Variants in ANO4 observed in about 807,000 individuals in gnomAD.
The protein encoded by ANO4 is anoctamin 4, also known as anoctamin-4.
A neutral mutation model predicts 141.9 loss-of-function variants in ANO4; 69 were observed. The observed-to-expected ratio is 0.49, with a 90% CI of 0.40 to 0.59. The LOEUF (loss-of-function observed/expected upper bound fraction) is 0.59. Among genes scored for constraint, ANO4 ranks in the 20% least tolerant of loss-of-function variants. ANO4 has a pLI of 0.00. For missense variants in ANO4, 894 were observed against 1,162.2 expected, an observed-to-expected ratio of 0.77 and a Z score of 3.36; for synonymous variants, 350 against 394.3, an observed-to-expected ratio of 0.89 and a Z score of 1.33.
chr12:100,803,943 CT>C (rs1019965371), intron 1 of ANO4, among the ~76,000 whole-genome samples: 268 of 147,072 alleles, frequency 1.8e-3, no homozygotes, highest in African/African-American at 4.8e-3. Flanking sequence ...CTTAGCAGAG[CT>C]TTTTTTTTTT....
chr12:100,985,387 G>A (rs1201786553), intron 7 of ANO4, among the ~76,000 whole-genome samples: 2 of 152,186 alleles, frequency 1.3e-5, no homozygotes, highest in South Asian at 2.1e-4. Flanking sequence ...ATACCAGACA[G>A]TTCTAAAGAC....
intron 1 of ANO4, among the ~76,000 whole-genome samples, chr12:100,821,960 C>A (rs904901919): frequency 1.3e-5 from 2 of 151,862 alleles, no homozygotes; most frequent in South Asian, 4.2e-4. Flanking sequence ...TGAAAGTGCT[C>A]ATTTCCTCCA....
At chr12:100,902,118 G>T (rs1478443479) in intron 2 of ANO4, among the ~76,000 whole-genome samples, 1 of 152,098 alleles carries the variant, frequency 6.6e-6, no homozygotes, top group African/African-American at 2.4e-5. Context: ...GCTCAGTTCA[G>T]GAAAGCTCAT....
chr12:100,904,331 A>G (rs1202568823), intron 2 of ANO4, among the ~76,000 whole-genome samples: 1 of 152,188 alleles, frequency 6.6e-6, no homozygotes, highest in African/African-American at 2.4e-5. Flanking sequence ...TGTGTAATCT[A>G]TATTATAGTT....
intron 17 of ANO4, among the ~76,000 whole-genome samples, chr12:101,093,658 C>T (rs1353489088): frequency 1.2e-4 from 19 of 152,078 alleles, no homozygotes; most frequent in Non-Finnish European, 7.4e-5. Context: ...TACACACATG[C>T]ATACATGTAC....
intron 1 of ANO4, among the ~76,000 whole-genome samples, chr12:100,890,560 G>C (rs1194332570): frequency 6.6e-6 from 1 of 152,178 alleles, no homozygotes; most frequent in Non-Finnish European, 1.5e-5. Flanking sequence ...ATTGCGAATG[G>C]TGAGATAGCC....
chr12:100,782,483 T>A (rs2033742819), intron 3 of ANO4, among the ~76,000 whole-genome samples: 1 of 152,210 alleles, frequency 6.6e-6, no homozygotes, highest in African/African-American at 2.4e-5. Context: ...TGCATTTATC[T>A]GCCTCTCTTC....
At chr12:100,910,216 G>A (rs1847958208) in intron 2 of ANO4, among the ~76,000 whole-genome samples, 1 of 152,062 alleles carries the variant, frequency 6.6e-6, no homozygotes, top group South Asian at 2.1e-4. Flanking sequence ...ATAAATGGTT[G>A]ATAAATAAAG....
chr12:100,737,132 G>A (rs778133006), intron 2 of ANO4, among the ~76,000 whole-genome samples: 10 of 152,230 alleles, frequency 6.6e-5, no homozygotes, highest in Non-Finnish European at 1.0e-4. Flanking sequence ...CAAATTGGCT[G>A]AAACGATAGG....
intron 8 of ANO4, among the ~76,000 whole-genome samples, chr12:101,016,707 G>T (rs2046330445): frequency 6.6e-6 from 1 of 152,230 alleles, no homozygotes; most frequent in Non-Finnish European, 1.5e-5. Context: ...AAGGAAGTGG[G>T]CCATGTGGGC....
intron 3 of ANO4, among the ~76,000 whole-genome samples, chr12:100,939,086 A>T (rs374733952): frequency 1.3e-5 from 2 of 152,144 alleles, no homozygotes; most frequent in African/African-American, 2.4e-5. Flanking sequence ...TACATTACGG[A>T]TGTACTTTGC....
At chr12:100,890,957 C>T (rs955098079) in intron 1 of ANO4, among the ~76,000 whole-genome samples, 6 of 152,162 alleles carry the variant, frequency 3.9e-5, no homozygotes, top group South Asian at 2.1e-4. Context: ...TCCCTCCTTT[C>T]TTCTTTCCTC....
At chr12:100,785,988 C>T (rs997312781) in intron 3 of ANO4, among the ~76,000 whole-genome samples, 1 of 152,130 alleles carries the variant, frequency 6.6e-6, no homozygotes, top group Non-Finnish European at 1.5e-5. Context: ...GAGCATGTCA[C>T]AGTCCTTTAA....
chr12:100,721,845 A>G (rs1376611098), intron 1 of ANO4, among the ~76,000 whole-genome samples: 1 of 148,418 alleles, frequency 6.7e-6, no homozygotes, highest in Non-Finnish European at 1.5e-5. Context: ...TGCCAGGCTA[A>G]CTTTTAATTT....
chr12:100,784,665 G>T (rs79479394), intron 3 of ANO4, among the ~76,000 whole-genome samples: 3 of 152,284 alleles, frequency 2.0e-5, no homozygotes, highest in Admixed American at 6.5e-5. Context: ...AAAATGGGAG[G>T]ATCCTCCAAA....
intron 1 of ANO4, among the ~76,000 whole-genome samples, chr12:100,733,042 C>T (rs749559278): frequency 9.9e-5 from 15 of 152,182 alleles, no homozygotes; most frequent in Non-Finnish European, 2.2e-4. Flanking sequence ...CACTATTTCT[C>T]GTCAGAATAC....
intron 7 of ANO4, among the ~76,000 whole-genome samples, chr12:100,980,892 C>T (rs964024559): frequency 1.3e-5 from 2 of 150,358 alleles, no homozygotes; most frequent in Non-Finnish European, 3.0e-5. Context: ...TTTGGCTGCC[C>T]TTTTTTTTTG....
chr12:100,889,606 G>T (rs1011540416), intron 1 of ANO4, among the ~76,000 whole-genome samples: 1 of 152,186 alleles, frequency 6.6e-6, no homozygotes, highest in Non-Finnish European at 1.5e-5. Context: ...CTCAAAAGAA[G>T]ACATTTATGC....
chr12:100,907,706 G>T (rs1396127159), intron 2 of ANO4, among the ~76,000 whole-genome samples: 1 of 152,130 alleles, frequency 6.6e-6, no homozygotes, highest in Non-Finnish European at 1.5e-5. Flanking sequence ...TCCTTCAGTT[G>T]TTTAAGAAAC....
Sources: gnomAD v4.1 joint callset for allele counts (sites outside exome capture counted in the v4.1 genomes callset) on GRCh38, gnomAD v4.1.1 for gene constraint, MANE v1.5 for transcripts, NCBI Gene and HGNC (gene_info 2026-07-23, HGNC 2026-07-21) for gene names.